The following CFAP97D2 variants were observed in gnomAD, a reference collection of about 807,000 sequenced individuals.
CFAP97D2 encodes CFAP97 domain containing 2.
At chr13:114,216,475 G>A (rs1488066757) in intron 4 of CFAP97D2, among the ~76,000 whole-genome samples, 3 of 151,766 alleles carry the variant, frequency 2.0e-5, no homozygotes, top group Non-Finnish European at 4.4e-5. Flanking sequence ...GGTGTGTGAC[G>A]CTAACCTTCC....
At chr13:114,216,152 C>T (rs1445663341) in intron 4 of CFAP97D2, among the ~76,000 whole-genome samples, 1 of 152,206 alleles carries the variant, frequency 6.6e-6, no homozygotes, top group Non-Finnish European at 1.5e-5. Flanking sequence ...CTTGTGAAAT[C>T]ACAGCCCCAC....
At chr13:114,180,890 A>T (rs1282717554) in intron 1 of CFAP97D2, among the ~76,000 whole-genome samples, 2 of 152,224 alleles carry the variant, frequency 1.3e-5, no homozygotes, top group African/African-American at 4.8e-5. Flanking sequence ...GAGAAACTGT[A>T]AGGTAAAGAA....
intron 1 of CFAP97D2, among the ~76,000 whole-genome samples, chr13:114,196,076 CAAA>C (rs57315285): frequency 0.4 from 39,710 of 100,450 alleles, 5,790 homozygotes; most frequent in East Asian, 0.54. Context: ...GAGCGAGACT[CAAA>C]AAAAAAAAAA....
intron 2 of CFAP97D2, among the ~76,000 whole-genome samples, chr13:114,198,302 A>G (rs555033410): frequency 6.6e-6 from 1 of 152,352 alleles, no homozygotes; most frequent in East Asian, 1.9e-4. Flanking sequence ...TGTGGGCTTT[A>G]TATGAGCCTG....
intron 1 of CFAP97D2, among the ~76,000 whole-genome samples, chr13:114,193,147 A>C: frequency 6.6e-6 from 1 of 152,234 alleles, no homozygotes; most frequent in Non-Finnish European, 1.5e-5. Context: ...TAGAGGCATA[A>C]AAATATTTTA....
chr13:114,207,531 G>T lies in CFAP97D2; in HGVS notation c.291-4381G>T, dbSNP rs1472007196. ...TCTCGAACGTGCAGTTCACAATAGG[G>T]TTCACACTCCTATGACAATCTAATG... On this transcript the variant is annotated intron_variant, in intron 3 of 4. Transcript: ENST00000646158. The surrounding 1 kb of genome is among the most constrained non-coding windows in gnomAD (Gnocchi z 4.9). Among the ~76,000 whole-genome samples, 2 of 152,084 alleles carry T rather than the reference G, an allele frequency of 1.3e-5. No homozygotes were observed.
rs1284495725 is a variant in CFAP97D2 at position 114,185,630 on chromosome 13, C to T, written c.90+6210C>T. 6.6e-6 allele frequency among the ~76,000 whole-genome samples: 1 copy of T among 152,252 alleles called. No homozygotes were observed. Among genetic ancestry groups the T allele is most frequent in the East Asian group, 1.9e-4 (1 of 5,196 alleles). On this transcript the variant is annotated intron_variant, in intron 1 of 4. Transcript: ENST00000646158. The surrounding 1 kb of genome is among the most constrained non-coding windows in gnomAD (Gnocchi z 5.2). The stretch of plus-strand genomic sequence containing the variant: ...AGAAGTGCCTGCTCCCACTGCCTGG[C>T]TTCTCCCCACTGTTGGCACCAGCTC...
intron 1 of CFAP97D2, among the ~76,000 whole-genome samples, chr13:114,188,987 A>G (rs913220803): frequency 2.7e-5 from 4 of 149,914 alleles, no homozygotes; most frequent in African/African-American, 9.7e-5. Context: ...AAGAAAAAAG[A>G]AGGAGGAGGC....
At position 114,187,556 on chromosome 13, in the gene CFAP97D2, G is replaced by T. The variant is rs9562136; in HGVS notation, c.90+8136G>T. On this transcript the variant is annotated intron_variant, in intron 1 of 4. Transcript: ENST00000646158. The surrounding 1 kb of genome is among the most constrained non-coding windows in gnomAD (Gnocchi z 4.2). ...AAAATGGGGTCGATTCTCCAAAAAG[G>T]CATAATAATCCTTAATGTGCAAGCA... is the stretch of plus-strand genomic sequence containing the variant. 3.7e-4 allele frequency among the ~76,000 whole-genome samples: 57 copies of T among 152,130 alleles called. No individual in the cohort carries two copies. Among genetic ancestry groups the T allele is most frequent in the Non-Finnish European group, 5.6e-4 (38 of 67,998 alleles).
intron 3 of CFAP97D2, among the ~76,000 whole-genome samples, chr13:114,206,571 T>C (rs1162899819): frequency 3.3e-5 from 5 of 152,132 alleles, no homozygotes; most frequent in Non-Finnish European, 7.3e-5. Flanking sequence ...AAGAAGGCAG[T>C]CACAAAAGAC....
At chr13:114,212,223 A>G (rs7324158) in intron 4 of CFAP97D2, 40,072 of 396,846 alleles carry the variant, frequency 0.1, 2,080 homozygotes, top group Middle Eastern at 0.17. Flanking sequence ...ATTTTGTTCA[A>G]TTGTCAGCAA....
At chr13:114,215,142 CT>C (rs1477150485) in intron 4 of CFAP97D2, among the ~76,000 whole-genome samples, 2 of 152,184 alleles carry the variant, frequency 1.3e-5, no homozygotes, top group African/African-American at 2.4e-5. Flanking sequence ...ATTTTCACCT[CT>C]GCTTAAAGTG....
chr13:114,182,927 C>A (rs1215454673), intron 1 of CFAP97D2, among the ~76,000 whole-genome samples: 1 of 152,170 alleles, frequency 6.6e-6, no homozygotes, highest in Non-Finnish European at 1.5e-5. Context: ...ATCTCTCTTT[C>A]TTTTCCCTAC....
At chr13:114,183,267 A>C (rs1415277494) in intron 1 of CFAP97D2, among the ~76,000 whole-genome samples, 1 of 152,106 alleles carries the variant, frequency 6.6e-6, no homozygotes, top group Non-Finnish European at 1.5e-5. Context: ...CCCGGGTTCC[A>C]GCGATTCTCC....
At chr13:114,184,320 T>G in intron 1 of CFAP97D2, among the ~76,000 whole-genome samples, 1 of 152,088 alleles carries the variant, frequency 6.6e-6, no homozygotes, top group Non-Finnish European at 1.5e-5. Flanking sequence ...GAAGAAATAT[T>G]TGAAGCAATA....
chr13:114,218,523 C>T (rs1177899550), intron 4 of CFAP97D2, among the ~76,000 whole-genome samples: 1 of 152,156 alleles, frequency 6.6e-6, no homozygotes, highest in Non-Finnish European at 1.5e-5. Context: ...TTGGAAAAAA[C>T]TACTTTGAAG....
rs2080946891 is a variant in CFAP97D2, at chr13:114,207,551, C to T, written c.291-4361C>T. On this transcript the variant is annotated intron_variant, in intron 3 of 4. Coordinates refer to ENST00000646158, the Ensembl canonical transcript of CFAP97D2. This position sits in a 1 kb window ranked among gnomAD's most constrained non-coding sequence, Gnocchi z 4.9. ...ATAGGGTTCACACTCCTATGACAAT[C>T]TAATGGCACTGCTGATCTGACAGGA... Among the ~76,000 whole-genome samples the T allele has an allele frequency of 6.6e-6, 1 of 152,204 alleles. No homozygotes were observed. The highest frequency in any genetic ancestry group is 2.4e-5 in the African/African-American group (1 of 41,442).
chr13:114,201,520 C>T (rs1392972341), intron 3 of CFAP97D2, among the ~76,000 whole-genome samples: 2 of 152,176 alleles, frequency 1.3e-5, no homozygotes, highest in Non-Finnish European at 2.9e-5. Context: ...TTCAAAGGCC[C>T]AACTGGAGCA....
At chr13:114,205,367 C>T (rs1050570496) in intron 3 of CFAP97D2, among the ~76,000 whole-genome samples, 4 of 152,188 alleles carry the variant, frequency 2.6e-5, no homozygotes, top group African/African-American at 9.7e-5. Flanking sequence ...AACATGTCTA[C>T]ACGAAAACAT....
Sources: gnomAD v4.1 joint callset for allele counts (sites outside exome capture counted in the v4.1 genomes callset) on GRCh38, gnomAD v4.1.1 for gene constraint, Gnocchi (gnomAD v3.1) non-coding constraint, MANE v1.5 for transcripts, NCBI Gene and HGNC (gene_info 2026-07-23, HGNC 2026-07-21) for gene names.